The following PPP1R14C variants were observed in gnomAD, a reference collection of about 807,000 sequenced individuals.
The protein encoded by PPP1R14C is protein phosphatase 1 regulatory subunit 14C.
Under a neutral mutation model 20.4 loss-of-function variants are expected in PPP1R14C, and 16 were observed. The observed-to-expected ratio is 0.78, with a 90% CI of 0.53 to 1.19. The LOEUF is 1.19. Among genes scored for constraint, PPP1R14C ranks in the 50% most tolerant of loss-of-function variants. The pLI is 0.00. For synonymous variants in PPP1R14C, 91 were observed against 91.0 expected, an observed-to-expected ratio of 1.00 and a Z score of 0.00; for missense variants, 211 against 220.1, an observed-to-expected ratio of 0.96 and a Z score of 0.26.
At chr6:150,155,743 G>T (rs1218157352) in intron 1 of PPP1R14C, among the ~76,000 whole-genome samples, 2 of 152,058 alleles carry the variant, frequency 1.3e-5, no homozygotes, top group African/African-American at 2.4e-5. Flanking sequence ...TGCAAATCCT[G>T]GCTGGGCACG....
intron 3 of PPP1R14C, among the ~76,000 whole-genome samples, chr6:150,232,984 G>A (rs146334528): frequency 6.6e-6 from 1 of 152,352 alleles, no homozygotes; most frequent in African/African-American, 2.4e-5. Flanking sequence ...GGGACAGGTT[G>A]TAGGAACAGA....
chr6:150,184,632 T>G (rs1017188911), intron 1 of PPP1R14C, among the ~76,000 whole-genome samples: 1 of 152,124 alleles, frequency 6.6e-6, no homozygotes, highest in African/African-American at 2.4e-5. Context: ...ATTTTGGACT[T>G]CTCTCTGCCA....
In PPP1R14C at chr6:150,249,064, C is replaced by G; in HGVS notation, c.*244C>G. The G allele has an allele frequency of 4.6e-6, 2 of 438,460 alleles. No homozygotes were observed. Among genetic ancestry groups the G allele is most frequent in the Non-Finnish European group, 8.0e-6 (2 of 250,034 alleles). The allele number at this position is 438,460 out of a possible 1,614,324, so 27.2% of individuals were successfully genotyped here. A position where few individuals can be genotyped will look rare whatever the true frequency, so the allele number is the denominator to read the frequency against. ...AAAGATATCATGACTCTAGCCACAG[C>G]CTAACCAAGGATTATCAAAGGAGGT... On this transcript the variant is annotated 3_prime_UTR_variant, in exon 4 of 4. Transcript: ENST00000361131.
chr6:150,199,343 G>A (rs1777848812), intron 1 of PPP1R14C, among the ~76,000 whole-genome samples: 1 of 152,142 alleles, frequency 6.6e-6, no homozygotes, highest in Non-Finnish European at 1.5e-5. Context: ...ATATTAAGAG[G>A]TGGCCCTTTA....
chr6:150,206,087 T>C (rs1777946389), intron 1 of PPP1R14C, among the ~76,000 whole-genome samples: 1 of 152,114 alleles, frequency 6.6e-6, no homozygotes, highest in Admixed American at 6.5e-5. Context: ...TCTGATACAG[T>C]GACCCCGGGC....
intron 1 of PPP1R14C, among the ~76,000 whole-genome samples, chr6:150,205,791 CAA>C (rs61626886): frequency 0.16 from 18,707 of 118,770 alleles, 1,283 homozygotes; most frequent in Middle Eastern, 0.18. Context: ...GCCTCCGTCT[CAA>C]AAAAAAAAAA....
chr6:150,151,700 T>C (rs895425704), intron 1 of PPP1R14C, among the ~76,000 whole-genome samples: 1 of 152,226 alleles, frequency 6.6e-6, no homozygotes, highest in Non-Finnish European at 1.5e-5. Flanking sequence ...GTTATCTTCA[T>C]TTCTTCATTT....
intron 1 of PPP1R14C, among the ~76,000 whole-genome samples, chr6:150,150,408 T>A (rs910838962): frequency 1.3e-5 from 2 of 152,152 alleles, no homozygotes; most frequent in African/African-American, 4.8e-5. Flanking sequence ...GTGCCCCTGC[T>A]ACACTAGTTC....
intron 1 of PPP1R14C, among the ~76,000 whole-genome samples, chr6:150,208,764 T>C (rs1777984531): frequency 6.6e-6 from 1 of 152,208 alleles, no homozygotes; most frequent in Non-Finnish European, 1.5e-5. Context: ...GTGGCTTTTT[T>C]CTCATTAGCC....
rs1582900442 is a variant in PPP1R14C at position 150,167,969 on chromosome 6, T to TCTCCCCTTCTCTCCTCCCCTTC, written c.306+24474_306+24475insCCCTTCTCTCCTCCCCTTCCTC. Among the ~76,000 whole-genome samples the TCTCCCCTTCTCTCCTCCCCTTC allele has an allele frequency of 2.1e-4, 27 of 127,202 alleles. 3 individuals are homozygous for TCTCCCCTTCTCTCCTCCCCTTC. The highest frequency in any genetic ancestry group is 1.3e-3 in the East Asian group (5 of 3,874). The allele number at this position is 127,202 out of a possible 152,430, so 83.4% of individuals were successfully genotyped here. The stretch of plus-strand genomic sequence containing the variant: ...TTCTCCCCTTCTCTCCTCCCCTCTT[T>TCTCCCCTTCTCTCCTCCCCTTC]CTCTCCTTCTCTCCTCCCCTCTTCC... On this transcript the variant is annotated intron_variant, in intron 1 of 3. Coordinates refer to ENST00000361131, the MANE Select transcript of PPP1R14C (RefSeq NM_030949.3).
At chr6:150,231,177 A>G (rs1582930113) in intron 3 of PPP1R14C, among the ~76,000 whole-genome samples, 1 of 152,238 alleles carries the variant, frequency 6.6e-6, no homozygotes, top group East Asian at 1.9e-4. Context: ...TTGTGTTTTC[A>G]TGGCCGCTGC....
intron 1 of PPP1R14C, among the ~76,000 whole-genome samples, chr6:150,150,771 A>G (rs1276842703): frequency 6.6e-6 from 1 of 151,892 alleles, no homozygotes; most frequent in Non-Finnish European, 1.5e-5. Context: ...CACTTCATTC[A>G]CGACACCCCT....
rs1277816355 is a variant in PPP1R14C at position 150,185,707 on chromosome 6, G to A, written c.307-29037G>A. ...TCTGTGTGTCGGTGAGGATAGGCGA[G>A]GCTATGTTACACTCAGGAGTGACCC... On this transcript the variant is annotated intron_variant, in intron 1 of 3. Transcript: ENST00000361131. This position sits in a 1 kb window ranked among gnomAD's most constrained non-coding sequence, Gnocchi z 4.1. Among the ~76,000 whole-genome samples, 4 of 152,086 alleles carry A rather than the reference G, an allele frequency of 2.6e-5. No individual in the cohort carries two copies. Among genetic ancestry groups the A allele is most frequent in the African/African-American group, 9.7e-5 (4 of 41,406 alleles).
chr6:150,154,808 T>C (rs2114854186), intron 1 of PPP1R14C, among the ~76,000 whole-genome samples: 1 of 152,318 alleles, frequency 6.6e-6, no homozygotes, highest in South Asian at 2.1e-4. Context: ...TAAATCATCT[T>C]TTCCTCCTCT....
At chr6:150,144,363 T>C (rs1777159238) in intron 1 of PPP1R14C, among the ~76,000 whole-genome samples, 1 of 152,218 alleles carries the variant, frequency 6.6e-6, no homozygotes, top group South Asian at 2.1e-4. Flanking sequence ...ATACATTTGA[T>C]TTAGGGAGAA....
At chr6:150,150,402 C>G (rs957476892) in intron 1 of PPP1R14C, among the ~76,000 whole-genome samples, 2 of 152,038 alleles carry the variant, frequency 1.3e-5, no homozygotes, top group African/African-American at 4.8e-5. Flanking sequence ...CCTAACGTGC[C>G]CCTGCTACAC....
chr6:150,222,998 A>C (rs759069031), intron 3 of PPP1R14C, among the ~76,000 whole-genome samples: 4 of 151,892 alleles, frequency 2.6e-5, no homozygotes, highest in African/African-American at 4.8e-5. Flanking sequence ...TGAGCTCCTG[A>C]CCTCAGGTGA....
chr6:150,244,896 G>A (rs923445907), intron 3 of PPP1R14C, among the ~76,000 whole-genome samples: 34 of 152,010 alleles, frequency 2.2e-4, no homozygotes, highest in African/African-American at 7.0e-4. Flanking sequence ...GTTTGGTTTT[G>A]TATGTAAGTT....
chr6:150,151,034 G>GTTTGT (rs903137773), intron 1 of PPP1R14C, among the ~76,000 whole-genome samples: 4 of 151,408 alleles, frequency 2.6e-5, no homozygotes, highest in Admixed American at 1.3e-4. Context: ...TTTTTTTGTT[G>GTTTGT]TTTGTTTTGT....
Sources: allele counts gnomAD v4.1 joint callset (sites outside exome capture counted in the v4.1 genomes callset), GRCh38; gene constraint gnomAD v4.1.1; non-coding constraint Gnocchi (gnomAD v3.1); transcripts MANE v1.5; gene names NCBI Gene and HGNC (gene_info 2026-07-23, HGNC 2026-07-21).